The following CACNA1E variants were observed in gnomAD, a reference collection of about 807,000 sequenced individuals.
The protein encoded by CACNA1E is calcium voltage-gated channel subunit alpha1 E, also known as voltage-dependent R-type calcium channel subunit alpha-1E.
CACNA1E carries 40 observed loss-of-function variants against 259.2 expected under a neutral mutation model. The observed-to-expected ratio is 0.15, with a 90% CI of 0.12 to 0.20. CACNA1E has a LOEUF of 0.20. CACNA1E is among the 10% of genes least tolerant of loss of function. The pLI, the probability that CACNA1E is intolerant of heterozygous loss-of-function variation, is 1.00. For missense variants in CACNA1E, 1,874 were observed against 3,040.1 expected, an observed-to-expected ratio of 0.62 and a Z score of 9.02; for synonymous variants, 1,104 against 1,138.5, an observed-to-expected ratio of 0.97 and a Z score of 0.61.
At chr1:181,553,333 G>A (rs192963274) in intron 3 of CACNA1E, among the ~76,000 whole-genome samples, 64 of 152,260 alleles carry the variant, frequency 4.2e-4, no homozygotes, top group African/African-American at 1.5e-3. Flanking sequence ...GAATGCTTGT[G>A]ATTTTTGCAC....
rs536683028 is a variant in CACNA1E, at chr1:181,498,807, A to G, written c.267-11670A>G. 6.6e-5 allele frequency among the ~76,000 whole-genome samples: 10 copies of G among 152,096 alleles called. No homozygotes were observed. The South Asian group carries it at 2.1e-3, about 32-fold the overall frequency. On this transcript the variant is annotated intron_variant, in intron 1 of 47. Coordinates refer to ENST00000367573, the MANE Select transcript of CACNA1E (RefSeq NM_001205293.3). Reference sequence around the variant, plus strand: ...TCACATTTTCTCTTCTTTCCTCTGTACCCTTTCTGTGCTCAACCATCTTCT... The same window carrying G: ...TCACATTTTCTCTTCTTTCCTCTGTGCCCTTTCTGTGCTCAACCATCTTCT...
intron 6 of CACNA1E, among the ~76,000 whole-genome samples, chr1:181,642,087 C>A (rs186048537): frequency 6.6e-6 from 1 of 152,218 alleles, no homozygotes; most frequent in African/African-American, 2.4e-5. Context: ...ACAGAGTAGA[C>A]AGAACAGAAG....
chr1:181,517,719 G>A (rs1193641672), intron 3 of CACNA1E, among the ~76,000 whole-genome samples: 2 of 152,092 alleles, frequency 1.3e-5, no homozygotes, highest in Admixed American at 6.5e-5. Flanking sequence ...CATGCAGAAC[G>A]ATTTAGCCTG....
chr1:181,496,018 A>C (rs1199955234), intron 1 of CACNA1E, among the ~76,000 whole-genome samples: 1 of 152,200 alleles, frequency 6.6e-6, no homozygotes, highest in Non-Finnish European at 1.5e-5. Context: ...GAGATCGCAC[A>C]GTAAGAGCTG....
At chr1:181,607,380 T>A (rs1277253861) in intron 6 of CACNA1E, among the ~76,000 whole-genome samples, 1 of 152,230 alleles carries the variant, frequency 6.6e-6, no homozygotes, top group Non-Finnish European at 1.5e-5. Context: ...AATTTTGTTG[T>A]CACACTCACT....
chr1:181,583,137 C>T (rs1026127045), intron 6 of CACNA1E, among the ~76,000 whole-genome samples: 46 of 128,550 alleles, frequency 3.6e-4, no homozygotes, highest in African/African-American at 1.2e-3. Context: ...CACACACACA[C>T]ACACACACTT....
At chr1:181,355,133 C>T (rs537270122) in intron 1 of CACNA1E, among the ~76,000 whole-genome samples, 1 of 152,274 alleles carries the variant, frequency 6.6e-6, no homozygotes, top group Admixed American at 6.5e-5. Context: ...CGGGGCCCGT[C>T]TGCTTGCCTG....
chr1:181,444,203 G>T (rs1043089693), intron 2 of CACNA1E, among the ~76,000 whole-genome samples: 1 of 152,206 alleles, frequency 6.6e-6, no homozygotes, highest in Non-Finnish European at 1.5e-5. Flanking sequence ...AGTTAGTTGA[G>T]CTGCCTTCCT....
intron 2 of CACNA1E, among the ~76,000 whole-genome samples, chr1:181,442,895 C>T (rs1303985805): frequency 1.3e-5 from 2 of 152,184 alleles, no homozygotes; most frequent in African/African-American, 4.8e-5. Flanking sequence ...GCTCCCTCTG[C>T]AGGAAGTCTA....
At chr1:181,706,391 ACATATATACC>A (rs1475764290) in intron 7 of CACNA1E, among the ~76,000 whole-genome samples, 1 of 152,246 alleles carries the variant, frequency 6.6e-6, no homozygotes, top group Non-Finnish European at 1.5e-5. Context: ...AGGTCTGGCC[ACATATATACC>A]CATGAGCCTG....
chr1:181,546,747 A>C (rs1647520711), intron 3 of CACNA1E, among the ~76,000 whole-genome samples: 1 of 152,192 alleles, frequency 6.6e-6, no homozygotes, highest in Admixed American at 6.5e-5. Flanking sequence ...CCTCTTCATG[A>C]CAACTGTCCA....
At chr1:181,539,808 C>G (rs766449212) in intron 3 of CACNA1E, among the ~76,000 whole-genome samples, 1 of 152,212 alleles carries the variant, frequency 6.6e-6, no homozygotes, top group African/African-American at 2.4e-5. Context: ...CTTGTCTCCA[C>G]AGAAGATAGA....
intron 7 of CACNA1E, among the ~76,000 whole-genome samples, chr1:181,657,966 T>C (rs1659343800): frequency 6.6e-6 from 1 of 152,238 alleles, no homozygotes; most frequent in Non-Finnish European, 1.5e-5. Context: ...TCCATAACTC[T>C]GGCCCCCAGA....
At chr1:181,414,846 A>G (rs1163252893) in intron 2 of CACNA1E, among the ~76,000 whole-genome samples, 1 of 152,226 alleles carries the variant, frequency 6.6e-6, no homozygotes, top group African/African-American at 2.4e-5. Flanking sequence ...TGTGGAATCC[A>G]TGCCTTTAAC....
intron 6 of CACNA1E, among the ~76,000 whole-genome samples, chr1:181,627,448 C>T (rs1358666062): frequency 6.6e-6 from 1 of 152,118 alleles, no homozygotes; most frequent in Non-Finnish European, 1.5e-5. Flanking sequence ...GAGAGGGATC[C>T]TCCTTAGGAG....
chr1:181,798,725 T>C lies in CACNA1E; in HGVS notation c.6833T>C (p.Met2278Thr). The change falls in exon 48 of 48, where the codon ATG becomes ACG. Residue 2278 changes from methionine (M) to threonine (T), a missense_variant. Physicochemically the swap from Met to Thr is moderately conservative, Grantham distance 81 (BLOSUM62 -1). Transcript: ENST00000367573. This position sits in a 1 kb window ranked among gnomAD's most constrained non-coding sequence, Gnocchi z 4.2. ...CCACCCCTGCGGCATAGCTGGCAGA[T>C]GCCCAACGGGCACTATCGGCGGCGG... ...SAPPLRHSWQ[M>T]PNGHYRRRRR... The C allele has an allele frequency of 6.2e-7, 1 of 1,608,562 alleles. No homozygotes were observed. Among genetic ancestry groups the C allele is most frequent in the Non-Finnish European group, 8.5e-7 (1 of 1,176,560 alleles).
intron 6 of CACNA1E, among the ~76,000 whole-genome samples, chr1:181,599,050 C>T (rs1211684521): frequency 1.3e-5 from 2 of 152,038 alleles, no homozygotes; most frequent in Admixed American, 1.3e-4. Flanking sequence ...ACAGTTCATC[C>T]CATCACCCAG....
intron 7 of CACNA1E, among the ~76,000 whole-genome samples, chr1:181,672,695 T>C (rs1287670835): frequency 6.6e-6 from 1 of 152,226 alleles, no homozygotes; most frequent in Admixed American, 6.5e-5. Flanking sequence ...CAGTAGCAGA[T>C]ACCTATTGCA....
intron 26 of CACNA1E, 85 bp from the exon 27 acceptor site, chr1:181,752,058 C>T (rs1657646473): frequency 1.0e-6 from 1 of 961,184 alleles, no homozygotes; most frequent in Admixed American, 1.7e-5. Context: ...CCCCTTTTAG[C>T]CTGTTGTTAC....
Sources: allele counts gnomAD v4.1 joint callset (sites outside exome capture counted in the v4.1 genomes callset), GRCh38; gene constraint gnomAD v4.1.1; non-coding constraint Gnocchi (gnomAD v3.1); transcripts MANE v1.5; gene names NCBI Gene and HGNC (gene_info 2026-07-23, HGNC 2026-07-21).